The following LRP1B variants were observed in gnomAD, a reference collection of about 807,000 sequenced individuals.
LRP1B encodes the protein low-density lipoprotein receptor-related protein 1B.
In LRP1B, 217 loss-of-function variants were observed where a neutral mutation model predicts 556.6. The observed-to-expected ratio is 0.39, with a 90% CI of 0.35 to 0.44. LRP1B has a LOEUF of 0.44. LRP1B is among the 20% of genes least tolerant of loss of function. The probability of loss-of-function intolerance (pLI) is 1.00; values close to 1 mark genes in which losing one functional copy is unlikely to be tolerated. For synonymous variants in LRP1B, 2,047 were observed against 1,865.8 expected (o/e 1.10, Z -2.50); for missense variants, 5,053 against 5,620.8 (o/e 0.90, Z 3.23).
At chr2:140,582,713 A>G (rs1681823007) in intron 43 of LRP1B, among the ~76,000 whole-genome samples, 1 of 152,198 alleles carries the variant, frequency 6.6e-6, no homozygotes, top group Non-Finnish European at 1.5e-5. Context: ...TGGTGCCTTG[A>G]TCTTTCACTT....
chr2:140,838,066 T>TA (rs1290520317), intron 31 of LRP1B, among the ~76,000 whole-genome samples: 2 of 152,238 alleles, frequency 1.3e-5, no homozygotes, highest in African/African-American at 2.4e-5. Context: ...GGCCTTTTAT[T>TA]AAAAAAATTC....
chr2:142,110,385 T>C (rs868292620), intron 1 of LRP1B, among the ~76,000 whole-genome samples: 1 of 152,084 alleles, frequency 6.6e-6, no homozygotes, highest in Admixed American at 6.6e-5. Flanking sequence ...ATCAGAAAAG[T>C]ATTCCAGATT....
intron 31 of LRP1B, among the ~76,000 whole-genome samples, chr2:140,832,102 G>A (rs985404096): frequency 2.6e-5 from 4 of 152,124 alleles, no homozygotes; most frequent in African/African-American, 9.7e-5. Context: ...ACCTTCAATC[G>A]ACAATGGTTT....
chr2:141,737,117 G>C (rs961810668), intron 2 of LRP1B, among the ~76,000 whole-genome samples: 5 of 152,176 alleles, frequency 3.3e-5, no homozygotes, highest in Non-Finnish European at 7.3e-5. Flanking sequence ...ACTTTGGGAG[G>C]CTTAGGCAGG....
At chr2:140,334,190 T>G (rs184423073) in intron 79 of LRP1B, among the ~76,000 whole-genome samples, 2 of 152,118 alleles carry the variant, frequency 1.3e-5, no homozygotes, top group Non-Finnish European at 2.9e-5. Context: ...TGTCAAAATT[T>G]CATGCCTGTG....
intron 2 of LRP1B, among the ~76,000 whole-genome samples, chr2:141,717,183 G>A (rs576997018): frequency 1.3e-5 from 2 of 152,064 alleles, no homozygotes; most frequent in Non-Finnish European, 2.9e-5. Context: ...TATTTTAATA[G>A]TCCAGAAAGC....
At chr2:140,879,900 T>C (rs1433447169) in intron 25 of LRP1B, among the ~76,000 whole-genome samples, 1 of 151,604 alleles carries the variant, frequency 6.6e-6, no homozygotes, top group Non-Finnish European at 1.5e-5. Context: ...AAAAAGGCTG[T>C]TATCACCTAT....
intron 53 of LRP1B, among the ~76,000 whole-genome samples, chr2:140,504,977 C>G (rs1179599009): frequency 6.6e-6 from 1 of 152,150 alleles, no homozygotes; most frequent in Admixed American, 6.5e-5. Context: ...GTACACTGGC[C>G]TCTGAGAGAC....
intron 3 of LRP1B, among the ~76,000 whole-genome samples, chr2:141,465,542 A>T (rs1363129302): frequency 1.5e-4 from 6 of 40,990 alleles, no homozygotes; most frequent in Non-Finnish European, 7.2e-5. Context: ...GCACAGCATG[A>T]CTTTTTTTTT....
intron 41 of LRP1B, among the ~76,000 whole-genome samples, chr2:140,681,883 CAAGTA>C (rs1180815758): frequency 5.3e-5 from 8 of 152,020 alleles, no homozygotes; most frequent in Admixed American, 1.3e-4. Flanking sequence ...GTGCACTCAC[CAAGTA>C]AAGTAAACAG....
chr2:141,191,695 C>G (rs757368028), intron 6 of LRP1B, among the ~76,000 whole-genome samples: 1 of 143,770 alleles, frequency 7.0e-6, no homozygotes, highest in Non-Finnish European at 1.5e-5. Flanking sequence ...TTTTTTTCAA[C>G]CAGTCCATTA....
At chr2:141,163,424 G>A (rs1003602785) in intron 7 of LRP1B, among the ~76,000 whole-genome samples, 2 of 151,960 alleles carry the variant, frequency 1.3e-5, no homozygotes, top group Non-Finnish European at 2.9e-5. Context: ...TGATCATTTA[G>A]ACATATGATA....
rs138200222 is a variant in LRP1B, at chr2:141,433,409, T to C, written c.343+46987A>G. ...TGTTCTATAGATAATTGTTAGTGGG[T>C]TTATCATGTTGTTCATATCTTTTAT... On this transcript the variant is annotated intron_variant, in intron 3 of 90. Coordinates refer to ENST00000389484, the MANE Select transcript of LRP1B (RefSeq NM_018557.3). 7.9e-5 allele frequency among the ~76,000 whole-genome samples: 12 copies of C among 152,124 alleles called. 1 individual carries two copies. In the East Asian group the frequency reaches 2.1e-3, roughly 27 times the overall value.
At chr2:141,103,480 G>A (rs1700517207) in intron 7 of LRP1B, among the ~76,000 whole-genome samples, 1 of 141,624 alleles carries the variant, frequency 7.1e-6, no homozygotes, top group South Asian at 2.2e-4. Flanking sequence ...AATTAAATTG[G>A]GATATAAGTA....
intron 82 of LRP1B, among the ~76,000 whole-genome samples, chr2:140,319,051 C>T (rs187253765): frequency 5.3e-5 from 8 of 152,154 alleles, no homozygotes; most frequent in South Asian, 2.1e-4. Context: ...TGGTAGACTT[C>T]GGCCTAATCT....
rs543317254 is a variant in LRP1B at position 141,233,581 on chromosome 2, A to C, written c.593-4141T>G. On this transcript the variant is annotated intron_variant, in intron 5 of 90. Coordinates refer to ENST00000389484, the MANE Select transcript of LRP1B (RefSeq NM_018557.3). ...AAAATACCTATTTAAATTCAAAGCC[A>C]CCATAACTGTGTCCTTGCAAGCCTA... is the stretch of plus-strand genomic sequence containing the variant. Among the ~76,000 whole-genome samples, 6 of 152,274 alleles carry C rather than the reference A, an allele frequency of 3.9e-5. No individual in the cohort carries two copies. The East Asian group carries it at 7.7e-4, about 20-fold the overall frequency.
chr2:141,896,388 TAACTTA>T (rs1326404311), intron 1 of LRP1B, among the ~76,000 whole-genome samples: 1 of 152,136 alleles, frequency 6.6e-6, no homozygotes. Flanking sequence ...AAACTAACTC[TAACTTA>T]AAGTGACAAA....
intron 1 of LRP1B, among the ~76,000 whole-genome samples, chr2:142,093,979 A>C (rs1032287513): frequency 1.3e-5 from 2 of 152,060 alleles, no homozygotes; most frequent in Admixed American, 1.3e-4. Context: ...CACAACCTAG[A>C]GGCTGGGAAT....
At chr2:141,997,322 T>C (rs913076989) in intron 1 of LRP1B, among the ~76,000 whole-genome samples, 3 of 151,746 alleles carry the variant, frequency 2.0e-5, no homozygotes, top group Admixed American at 1.3e-4. Flanking sequence ...TTTAACAGGA[T>C]TTTGTTAAAG....
Sources: gnomAD v4.1 joint callset for allele counts (sites outside exome capture counted in the v4.1 genomes callset) on GRCh38, gnomAD v4.1.1 for gene constraint, MANE v1.5 for transcripts, NCBI Gene and HGNC (gene_info 2026-07-23, HGNC 2026-07-21) for gene names.